TMEM161B: variants seen among roughly 807,000 people sequenced by gnomAD.
The protein encoded by TMEM161B is transmembrane protein 161B.
TMEM161B carries 34 observed loss-of-function variants against 61.8 expected under a neutral mutation model. The ratio of observed to expected loss-of-function variants is 0.55; its 90% CI spans 0.42 to 0.73. The LOEUF is 0.73. Ranked by LOEUF, TMEM161B falls within the 30% of genes least tolerant of loss-of-function variation. TMEM161B has a pLI of 0.00. For missense variants in TMEM161B, 456 were observed against 558.5 expected, an observed-to-expected ratio of 0.82 and a Z score of 1.85; for synonymous variants, 167 against 192.8, an observed-to-expected ratio of 0.87 and a Z score of 1.11.
intron 5 of TMEM161B, among the ~76,000 whole-genome samples, chr5:88,209,221 A>C (rs1238794623): frequency 6.6e-6 from 1 of 152,220 alleles, no homozygotes; most frequent in Non-Finnish European, 1.5e-5. Context: ...ACAAAGAAAG[A>C]TGAATATAGT....
intron 11 of TMEM161B, 39 bp from the exon 12 acceptor site, chr5:88,196,527 C>A: frequency 6.6e-7 from 1 of 1,510,422 alleles, no homozygotes; most frequent in Non-Finnish European, 8.8e-7. Context: ...TGAAGAGTAA[C>A]TAATTACCAA....
intron 5 of TMEM161B, among the ~76,000 whole-genome samples, chr5:88,209,347 C>G (rs33706): frequency 0.29 from 43,990 of 152,004 alleles, 7,434 homozygotes; most frequent in African/African-American, 0.44. Context: ...AAAATGTTTA[C>G]TAGAATCTAT....
In TMEM161B at chr5:88,196,088, A is replaced by G. The variant is rs1749572413; in HGVS notation, c.*123T>C. 6.9e-7 allele frequency: 1 copy of G among 1,447,152 alleles called. No individual in the cohort carries two copies. The highest frequency in any genetic ancestry group is 1.4e-5 in the African/African-American group (1 of 69,674). 89.6% of individuals were successfully genotyped at this position (1,447,152 alleles called of 1,614,324 possible). On this transcript the variant is annotated 3_prime_UTR_variant, in exon 12 of 12. Transcript: ENST00000296595. The stretch of plus-strand genomic sequence containing the variant: ...ATACAGAGGAAACATTTAATACAAG[A>G]CATTCTGATATGTTTTTTTTTTCCC...
At chr5:88,255,169 T>G (rs955220550) in intron 1 of TMEM161B, among the ~76,000 whole-genome samples, 3 of 152,188 alleles carry the variant, frequency 2.0e-5, no homozygotes, top group African/African-American at 7.2e-5. Context: ...TTTTTGAAGA[T>G]GGTTATTTCC....
intron 1 of TMEM161B, among the ~76,000 whole-genome samples, chr5:88,245,670 T>G (rs16903025): frequency 0.03 from 4,603 of 152,094 alleles, 334 homozygotes; most frequent in East Asian, 0.19. Context: ...AAATGGTATT[T>G]CAGAAAGACT....
At chr5:88,234,525 CAGCTACTACATTTTG>C (rs1327595270) in intron 2 of TMEM161B, among the ~76,000 whole-genome samples, 2 of 152,084 alleles carry the variant, frequency 1.3e-5, no homozygotes, top group African/African-American at 4.8e-5. Context: ...GCATGGTTCC[CAGCTACTACATTTTG>C]TATTCTGGTC....
At chr5:88,194,387 A>G (rs1749300161), downstream of TMEM161B, among the ~76,000 whole-genome samples, 1 of 152,056 alleles carries the variant, frequency 6.6e-6, no homozygotes, top group Non-Finnish European at 1.5e-5. Context: ...TCTTTATCCA[A>G]TCAACCACTG....
In TMEM161B at chr5:88,253,048, C is replaced by T. The variant is rs148391520; in HGVS notation, c.4-12132G>A. ...AGTGATGAAAGTCTGATGAAATATA[C>T]AAAATACCACACTAGAGGGTAGAAT... On this transcript the variant is annotated intron_variant, in intron 1 of 11. Coordinates refer to ENST00000296595, the MANE Select transcript of TMEM161B (RefSeq NM_153354.5). Among the ~76,000 whole-genome samples, 442 of 152,178 alleles carry T rather than the reference C, an allele frequency of 2.9e-3. 1 individual carries two copies. Among genetic ancestry groups the T allele is most frequent in the African/African-American group, 9.8e-3 (405 of 41,520 alleles).
chr5:88,260,673 A>C (rs1190956757), intron 1 of TMEM161B, among the ~76,000 whole-genome samples: 3 of 152,176 alleles, frequency 2.0e-5, no homozygotes, highest in Non-Finnish European at 4.4e-5. Context: ...GATTGGTCTC[A>C]AACTCCTGGC....
chr5:88,241,212 G>T (rs557235868), intron 1 of TMEM161B, among the ~76,000 whole-genome samples: 3 of 151,676 alleles, frequency 2.0e-5, no homozygotes, highest in Admixed American at 1.3e-4. Flanking sequence ...ATCTAGAGAC[G>T]ATTTCAAGTA....
intron 1 of TMEM161B, among the ~76,000 whole-genome samples, chr5:88,243,976 G>T (rs1485440728): frequency 1.3e-5 from 2 of 151,846 alleles, no homozygotes; most frequent in African/African-American, 4.8e-5. Context: ...TTTTGATTGG[G>T]TTGTCTGGTT....
chr5:88,186,719 C>T (rs952596236), downstream of TMEM161B, among the ~76,000 whole-genome samples: 1 of 151,680 alleles, frequency 6.6e-6, no homozygotes, highest in Non-Finnish European at 1.5e-5. Context: ...TAGCTGAGGT[C>T]AGAAGTTCGA....
At chr5:88,264,249 C>T (rs995475839) in intron 1 of TMEM161B, among the ~76,000 whole-genome samples, 8 of 151,418 alleles carry the variant, frequency 5.3e-5, no homozygotes, top group African/African-American at 1.7e-4. Context: ...AAGAAAAAAA[C>T]AACACCATCA....
At chr5:88,260,159 T>C (rs771381016) in intron 1 of TMEM161B, among the ~76,000 whole-genome samples, 12 of 152,236 alleles carry the variant, frequency 7.9e-5, no homozygotes, top group Non-Finnish European at 1.3e-4. Context: ...TTATCGTTAT[T>C]GAGGAAAAGT....
At chr5:88,240,373 A>G (rs1461878045) in intron 2 of TMEM161B, among the ~76,000 whole-genome samples, 1 of 151,450 alleles carries the variant, frequency 6.6e-6, no homozygotes, top group Non-Finnish European at 1.5e-5. Context: ...ACAATTTCTC[A>G]CCCCCTTGTT....
intron 2 of TMEM161B, among the ~76,000 whole-genome samples, chr5:88,233,081 A>G (rs888084667): frequency 3.2e-4 from 48 of 152,158 alleles, no homozygotes; most frequent in African/African-American, 1.1e-3. Context: ...CTACCCATTC[A>G]TTCATTTATC....
intron 7 of TMEM161B, 87 bp from the exon 8 acceptor site, chr5:88,206,041 A>G (rs556696928): frequency 2.8e-6 from 3 of 1,072,358 alleles, no homozygotes; most frequent in Non-Finnish European, 4.0e-6. Flanking sequence ...TATCTTACAA[A>G]TAACAATAAC....
At chr5:88,229,293 A>T (rs919063363) in intron 2 of TMEM161B, among the ~76,000 whole-genome samples, 12 of 152,148 alleles carry the variant, frequency 7.9e-5, no homozygotes, top group African/African-American at 2.4e-5. Context: ...CCCTCTCCAC[A>T]TGCTATTATT....
intron 2 of TMEM161B, among the ~76,000 whole-genome samples, chr5:88,236,317 A>C (rs947490991): frequency 1.3e-5 from 2 of 152,162 alleles, no homozygotes. Context: ...ATTAGAAAAA[A>C]CAGAAAGCAG....
Sources: gnomAD v4.1 joint callset for allele counts (sites outside exome capture counted in the v4.1 genomes callset) on GRCh38, gnomAD v4.1.1 for gene constraint, MANE v1.5 for transcripts, NCBI Gene and HGNC (gene_info 2026-07-23, HGNC 2026-07-21) for gene names.